Variants in ATXN7 observed in about 807,000 individuals in gnomAD.
ATXN7 encodes the protein ataxin 7.
Under a neutral mutation model 70.5 loss-of-function variants are expected in ATXN7, and 12 were observed. The ratio of observed to expected loss-of-function variants is 0.17; its 90% confidence interval spans 0.11 to 0.28. ATXN7 has a LOEUF of 0.28. Among genes scored for constraint, ATXN7 ranks in the 10% least tolerant of loss-of-function variants. The probability of loss-of-function intolerance (pLI) is 1.00; values close to 1 mark genes in which losing one functional copy is unlikely to be tolerated. For synonymous variants in ATXN7, 498 were observed against 448.7 expected, an observed-to-expected ratio of 1.11 and a Z score of -1.39; for missense variants, 1,256 against 1,131.7, an observed-to-expected ratio of 1.11 and a Z score of -1.58.
chr3:63,884,601 A>G (rs976724029), intron 1 of ATXN7, among the ~76,000 whole-genome samples: 2 of 152,008 alleles, frequency 1.3e-5, no homozygotes, highest in Admixed American at 6.6e-5. Context: ...TATGCAGATA[A>G]TCATCTCTCA....
chr3:63,938,311 G>A (rs2074699174), intron 4 of ATXN7, among the ~76,000 whole-genome samples: 1 of 152,146 alleles, frequency 6.6e-6, no homozygotes, highest in Admixed American at 6.6e-5. Context: ...ACAGAAATAA[G>A]CAGATGAACT....
chr3:63,867,138 G>C (rs1702455567), intron 1 of ATXN7: 1 of 152,022 alleles, frequency 6.6e-6, no homozygotes, highest in African/African-American at 2.4e-5. Context: ...AGTTATCCTG[G>C]GGGTCTGTGA....
chr3:63,969,601 AGTTTT>A (rs1005390726), intron 5 of ATXN7, among the ~76,000 whole-genome samples: 17 of 152,110 alleles, frequency 1.1e-4, no homozygotes, highest in Non-Finnish European at 2.4e-4. Context: ...TTAACGGCAT[AGTTTT>A]GTTTTGTTTT....
At chr3:63,897,346 G>A (rs1200565106) in intron 1 of ATXN7, among the ~76,000 whole-genome samples, 1 of 152,174 alleles carries the variant, frequency 6.6e-6, no homozygotes, top group Non-Finnish European at 1.5e-5. Context: ...CATTTTGAGT[G>A]AATAAAATTG....
rs781291239 is a variant in ATXN7 at position 63,988,211 on chromosome 3, C to G, written c.1248C>G (p.Pro416=). The G allele has an allele frequency of 6.2e-7, 1 of 1,613,978 alleles. No homozygotes were observed. Among genetic ancestry groups the G allele is most frequent in the Non-Finnish European group, 8.5e-7 (1 of 1,179,968 alleles). Residue 416 remains proline, a synonymous_variant, in exon 9 of 13, where the codon CCC becomes CCG. Transcript: ENST00000674280. ...CGCAGCCTCTCAGGGACCCGCATCC[C>G]GCCCCTCCTAGAACGTCACAGGAGC... ...QPPQPLRDPH[P]APPRTSQEPH...
chr3:63,970,536 A>G (rs541725781), intron 5 of ATXN7, among the ~76,000 whole-genome samples: 3 of 152,296 alleles, frequency 2.0e-5, no homozygotes, highest in African/African-American at 4.8e-5. Context: ...CCCTTTTACA[A>G]ATGTTTGCAA....
chr3:63,896,124 G>A (rs1703438717), intron 1 of ATXN7, among the ~76,000 whole-genome samples: 1 of 151,832 alleles, frequency 6.6e-6, no homozygotes, highest in African/African-American at 2.4e-5. Flanking sequence ...GAATTACTTA[G>A]TGCTTAGAAA....
At chr3:63,874,272 C>A (rs1702683425) in intron 1 of ATXN7, among the ~76,000 whole-genome samples, 1 of 152,220 alleles carries the variant, frequency 6.6e-6, no homozygotes, top group Admixed American at 6.5e-5. Flanking sequence ...GGTCTCTGCA[C>A]TAAATTTTCT....
At chr3:63,946,981 G>C (rs2074874627) in intron 4 of ATXN7, among the ~76,000 whole-genome samples, 1 of 152,186 alleles carries the variant, frequency 6.6e-6, no homozygotes, top group Non-Finnish European at 1.5e-5. Context: ...GGCAGTGGGA[G>C]TGGCACTGGC....
chr3:63,969,917 A>C (rs2075284585), intron 5 of ATXN7, among the ~76,000 whole-genome samples: 1 of 152,152 alleles, frequency 6.6e-6, no homozygotes, highest in African/African-American at 2.4e-5. Flanking sequence ...AAACAGTTCA[A>C]GTGAATGATG....
At chr3:63,863,776 A>C (rs1228729653), upstream of ATXN7, 4 of 1,251,530 alleles carry the variant, frequency 3.2e-6, no homozygotes, top group Admixed American at 1.7e-4. Context: ...CCTCACCGTC[A>C]GTCACGGCTC....
intron 5 of ATXN7, among the ~76,000 whole-genome samples, chr3:63,964,664 C>G (rs2106701987): frequency 6.6e-6 from 1 of 152,260 alleles, no homozygotes; most frequent in South Asian, 2.1e-4. Flanking sequence ...TGAATTATCC[C>G]CATTTAAATT....
Position 63,982,422 on chromosome 3 carries a change from A to C in ATXN7, c.989A>C (p.Lys330Thr), listed in dbSNP as rs746238455. The C allele has an allele frequency of 6.2e-7, 1 of 1,609,138 alleles. No individual in the cohort carries two copies. The highest frequency in any genetic ancestry group is 1.3e-5 in the African/African-American group (1 of 74,712). ...KKPEDNSNNR[K>T]FLNKRLSERE... ...CCTGAAGACAATTCCAATAATAGGA[A>C]ATTTTTAAATAAGAGATTATCAGGT... Residue 330 changes from lysine (K) to threonine (T), a missense_variant, in exon 7 of 13, where the codon AAA (lysine) becomes ACA (threonine). By Grantham distance (78) the Lys-to-Thr change is moderately conservative. Coordinates refer to ENST00000674280, the MANE Select transcript of ATXN7 (RefSeq NM_001377405.1).
At chr3:63,988,420 C>A (rs905614510) in intron 9 of ATXN7, 96 bp downstream of exon 9, 15 of 1,461,602 alleles carry the variant, frequency 1.0e-5, no homozygotes, top group African/African-American at 1.4e-5. Flanking sequence ...AGAAACATAT[C>A]TCAGGCTCAC....
At chr3:63,965,719 G>T (rs941563013) in intron 5 of ATXN7, among the ~76,000 whole-genome samples, 1 of 152,064 alleles carries the variant, frequency 6.6e-6, no homozygotes, top group Non-Finnish European at 1.5e-5. Flanking sequence ...ATAGGATATC[G>T]AGAAACGGTT....
At chr3:63,914,271 C>A (rs1279294123) in intron 4 of ATXN7, among the ~76,000 whole-genome samples, 1 of 152,178 alleles carries the variant, frequency 6.6e-6, no homozygotes, top group Non-Finnish European at 1.5e-5. Flanking sequence ...CTTTTCACAC[C>A]TGCTTTTTCT....
In ATXN7 at chr3:63,999,610, T is replaced by C; in HGVS notation, c.*143T>C. 6.8e-7 allele frequency: 1 copy of C among 1,460,368 alleles called. No homozygotes were observed. Among genetic ancestry groups the C allele is most frequent in the Non-Finnish European group, 9.4e-7 (1 of 1,063,260 alleles). The allele number at this position is 1,460,368 out of a possible 1,614,324, so 90.5% of individuals were successfully genotyped here. ...CCTCAAGGGTAGAAACCTGCCGGGC[T>C]GTTGTTTTAACGAGGATTTCCCTGA... On this transcript the variant is annotated 3_prime_UTR_variant, in exon 13 of 13. Transcript: ENST00000674280.
rs771833920 is a variant in ATXN7 at position 63,988,162 on chromosome 3, G to T, written c.1199G>T (p.Arg400Leu). The part of the protein sequence containing the change: ...KNKTREKELI[R>L]HPDSQQPPQP... ...AAAACCAGGGAAAAGGAATTGATTC[G>T]CCATCCGGACTCTCAGCAACCACCG... Residue 400 changes from arginine (R) to leucine (L), a missense_variant, in exon 9 of 13, where the codon CGC (arginine) becomes CTC (leucine). Arg to Leu is a moderately radical substitution (Grantham distance 102, BLOSUM62 -2). Transcript: ENST00000674280. 1.2e-6 allele frequency: 2 copies of T among 1,613,986 alleles called. No homozygotes were observed. The highest frequency in any genetic ancestry group is 1.7e-5 in the Admixed American group (1 of 60,004).
chr3:63,895,721 C>T (rs1381338373), intron 1 of ATXN7, among the ~76,000 whole-genome samples: 2 of 151,918 alleles, frequency 1.3e-5, no homozygotes, highest in Admixed American at 6.6e-5. Context: ...TCCTTCCTTT[C>T]TTCCTTTCTC....
Sources: gnomAD v4.1 joint callset for allele counts (sites outside exome capture counted in the v4.1 genomes callset) on GRCh38, gnomAD v4.1.1 for gene constraint, MANE v1.5 for transcripts, NCBI Gene and HGNC (gene_info 2026-07-23, HGNC 2026-07-21) for gene names.